C6orf141: variants seen among roughly 807,000 people sequenced by gnomAD.
The protein encoded by C6orf141 is chromosome 6 open reading frame 141.
For synonymous variants in C6orf141, 164 were observed against 140.5 expected, an observed-to-expected ratio of 1.17 and a Z score of -1.18; for missense variants, 361 against 335.8, an observed-to-expected ratio of 1.07 and a Z score of -0.59.
At chr6:49,555,180 A>G (rs1263126269), downstream of C6orf141, 2 of 151,734 alleles carry the variant, frequency 1.3e-5, no homozygotes, top group African/African-American at 4.8e-5. Context: ...CTCTCTTAAA[A>G]CTCTTTGTTT....
chr6:49,556,267 A>T (rs901515936), downstream of C6orf141, among the ~76,000 whole-genome samples: 3 of 152,198 alleles, frequency 2.0e-5, no homozygotes, highest in South Asian at 2.1e-4. Flanking sequence ...CAAAACTGAA[A>T]AGTTTTTTTA....
chr6:49,561,789 A>G (rs1773344676), exon 5 of C6orf141: 1 of 151,876 alleles, frequency 6.6e-6, no homozygotes, highest in South Asian at 2.1e-4. Flanking sequence ...GGCTTAAGTG[A>G]TCCTCCCACC....
chr6:49,551,299 A>C lies in C6orf141; in HGVS notation c.507A>C (p.Gln169His), dbSNP rs559570588. ...GGGTGGAGGATTATCAGGTAACACAAGAAGTGTTGCAGACCTCCTGGGCCA... is the reference window on the plus strand; with the variant it reads ...GGGTGGAGGATTATCAGGTAACACACGAAGTGTTGCAGACCTCCTGGGCCA... ...LVRVEDYQVTQEVLQTSWAKG... is the reference protein window; with the variant it reads ...LVRVEDYQVTHEVLQTSWAKG... Residue 169 changes from glutamine (Q) to histidine (H), a missense_variant, in exon 1 of 1, where the codon CAA (glutamine) becomes CAC (histidine). Transcript: ENST00000529246. The C allele has an allele frequency of 6.4e-7, 1 of 1,551,698 alleles. No homozygotes were observed.
chr6:49,557,135 C>T (rs984167926), intron 4 of C6orf141, among the ~76,000 whole-genome samples: 1 of 151,990 alleles, frequency 6.6e-6, no homozygotes, highest in Non-Finnish European at 1.5e-5. Context: ...GCCCATAATC[C>T]CAGCTACTCA....
Position 49,551,507 on chromosome 6 carries a change from C to T in C6orf141, c.715C>T (p.Leu239Phe). ...RRVSPSPGTW[L>F]EEIKL ...GGTTTCACCGTCTCCAGGGACTTGG[C>T]TCGAGGAAATTAAACTCTAATGAGT... Residue 239 changes from leucine (L) to phenylalanine (F), a missense_variant, in exon 1 of 1, where the codon CTC becomes TTC. Transcript: ENST00000529246. The T allele has an allele frequency of 6.4e-7, 1 of 1,551,220 alleles. No homozygotes were observed. The highest frequency in any genetic ancestry group is 1.4e-5 in the African/African-American group (1 of 73,152).
intron 4 of C6orf141, among the ~76,000 whole-genome samples, chr6:49,558,770 C>A (rs868198955): frequency 1.3e-5 from 2 of 151,868 alleles, no homozygotes; most frequent in East Asian, 1.9e-4. Context: ...TGCAGTGGCA[C>A]GATCTTGGCT....
rs1470501521 is a variant in C6orf141, at chr6:49,550,684, C to G, written c.-109C>G. The stretch of plus-strand genomic sequence containing the variant: ...GGCTGATCTAGTCTTCAGCTTTCAC[C>G]GGCTGGGAGTCCGGAGCTGCAGCAG... On this transcript the variant is annotated 5_prime_UTR_variant, in exon 1 of 1. Coordinates refer to ENST00000529246, the MANE Select transcript of C6orf141 (RefSeq NM_001145652.2). The G allele has an allele frequency of 9.9e-7, 1 of 1,007,978 alleles. No individual in the cohort carries two copies. Among genetic ancestry groups the G allele is most frequent in the African/African-American group, 1.7e-5 (1 of 59,176 alleles). 62.4% of individuals were successfully genotyped at this position (1,007,978 alleles called of 1,614,324 possible).
rs1208009738 is a variant in C6orf141 at position 49,551,397 on chromosome 6, A to C, written c.605A>C (p.Gln202Pro). The C allele has an allele frequency of 6.4e-7, 1 of 1,551,688 alleles. No homozygotes were observed. Among genetic ancestry groups the C allele is most frequent in the Non-Finnish European group, 8.7e-7 (1 of 1,146,994 alleles). Residue 202 changes from glutamine to proline, a missense_variant, in exon 1 of 1, where the codon CAG (glutamine) becomes CCG (proline). Physicochemically the swap from Gln to Pro is moderately conservative, Grantham distance 76 (BLOSUM62 -1). Coordinates refer to ENST00000529246, the MANE Select transcript of C6orf141 (RefSeq NM_001145652.2). ...ACTTTTCGCAGCAGTAGAGAGGGAC[A>C]GCCTGGGGAACGCTGGGGCCCTGCT... ...ALTFRSSREG[Q>P]PGERWGPAES... is the part of the protein sequence containing the mutation.
chr6:49,550,907 G>C lies in C6orf141; in HGVS notation c.115G>C (p.Gly39Arg), dbSNP rs773682026. The C allele has an allele frequency of 4.6e-6, 7 of 1,531,812 alleles. No homozygotes were observed. The highest frequency in any genetic ancestry group is 3.7e-5 in the South Asian group (3 of 82,142). 94.9% of individuals were successfully genotyped at this position (1,531,812 alleles called of 1,614,324 possible). The change falls in exon 1 of 1, where the codon GGG (glycine) becomes CGG (arginine). Residue 39 changes from glycine (G) to arginine (R), a missense_variant. Gly to Arg is a moderately radical substitution (Grantham distance 125, BLOSUM62 -2). Coordinates refer to ENST00000529246, the MANE Select transcript of C6orf141 (RefSeq NM_001145652.2). ...LGPFPREVGR[G>R]APLAPGARNP... ...GCCTTTTCCGCGGGAGGTAGGGCGC[G>C]GGGCTCCGCTAGCTCCGGGCGCCCG...
In C6orf141 at chr6:49,551,844, C is replaced by A. The variant is rs949917183; in HGVS notation, c.*317C>A. The A allele has an allele frequency of 3.4e-6, 4 of 1,187,904 alleles. No homozygotes were observed. Among genetic ancestry groups the A allele is most frequent in the Middle Eastern group, 3.7e-4 (1 of 2,706 alleles). The allele number at this position is 1,187,904 out of a possible 1,614,324, so 73.6% of individuals were successfully genotyped here. On this transcript the variant is annotated 3_prime_UTR_variant, in exon 1 of 1. Transcript: ENST00000529246. ...TTTTGGAATAACTCTCAATTGATCT[C>A]TTTTCTGTTCCCCGCCCCCCTCTTG...
rs771175194 is a variant in C6orf141 at position 49,551,414 on chromosome 6, G to T, written c.622G>T (p.Gly208Cys). ...SREGQPGERW[G>C]PAESRALQAR... ...AGAGGGACAGCCTGGGGAACGCTGG[G>T]GCCCTGCTGAATCCCGGGCTCTCCA... Residue 208 changes from glycine (G) to cysteine (C), a missense_variant, in exon 1 of 1, where the codon GGC (glycine) becomes TGC (cysteine). Gly to Cys is a radical substitution (Grantham distance 159, BLOSUM62 -3). Coordinates refer to ENST00000529246, the MANE Select transcript of C6orf141 (RefSeq NM_001145652.2). 11 of 1,551,516 alleles carry T rather than the reference G, an allele frequency of 7.1e-6. No homozygotes were observed. The highest frequency in any genetic ancestry group is 9.6e-6 in the Non-Finnish European group (11 of 1,146,984).
At chr6:49,561,909 T>C (rs1773356333), downstream of C6orf141, 1 of 151,188 alleles carries the variant, frequency 6.6e-6, no homozygotes, top group Non-Finnish European at 1.5e-5. Context: ...ATTACATGAC[T>C]GGTACAATTT....
intron 4 of C6orf141, among the ~76,000 whole-genome samples, chr6:49,559,346 A>G (rs1338112863): frequency 6.6e-6 from 1 of 151,508 alleles, no homozygotes; most frequent in Non-Finnish European, 1.5e-5. Context: ...AGATAATCAC[A>G]TTATACTTGT....
intron 4 of C6orf141, among the ~76,000 whole-genome samples, chr6:49,559,339 T>C (rs1279052937): frequency 6.6e-6 from 1 of 151,384 alleles, no homozygotes; most frequent in Admixed American, 6.6e-5. Context: ...TTTATGGAGA[T>C]AATCACATTA....
chr6:49,555,770 A>C (rs1486182265), downstream of C6orf141, among the ~76,000 whole-genome samples: 4 of 151,654 alleles, frequency 2.6e-5, no homozygotes, highest in Admixed American at 2.6e-4. Context: ...AGCCTCCCAA[A>C]GTGCTGTGAT....
intron 4 of C6orf141, among the ~76,000 whole-genome samples, chr6:49,559,252 T>G (rs1772786207): frequency 8.4e-6 from 1 of 118,610 alleles, no homozygotes. Flanking sequence ...TCATTTATGT[T>G]AGACCAATCC....
At chr6:49,559,988 G>T (rs759721549) in intron 4 of C6orf141, among the ~76,000 whole-genome samples, 4 of 152,128 alleles carry the variant, frequency 2.6e-5, no homozygotes, top group Non-Finnish European at 5.9e-5. Flanking sequence ...GTGGAATAAC[G>T]TACAAAGTTA....
At chr6:49,559,576 G>A (rs190745342) in intron 4 of C6orf141, among the ~76,000 whole-genome samples, 27 of 152,124 alleles carry the variant, frequency 1.8e-4, no homozygotes, top group South Asian at 1.2e-3. Context: ...TTTAGACTGC[G>A]TGACTTGTTC....
At position 49,550,746 on chromosome 6, in the gene C6orf141, G is replaced by C. The variant is rs560705474; in HGVS notation, c.-47G>C. 594 of 1,418,898 alleles carry C rather than the reference G, an allele frequency of 4.2e-4. 4 individuals carry two copies. The South Asian group carries it at 8.5e-3, about 20-fold the overall frequency. 87.9% of individuals were successfully genotyped at this position (1,418,898 alleles called of 1,614,324 possible). The stretch of plus-strand genomic sequence containing the variant: ...AGGGCTTGGTGGTCCCGCGCTTTCC[G>C]GAGCTCAGCAGGCGCTTGCTGCTTG... On this transcript the variant is annotated 5_prime_UTR_variant, in exon 1 of 1. Transcript: ENST00000529246.
Sources: gnomAD v4.1 joint callset for allele counts (sites outside exome capture counted in the v4.1 genomes callset) on GRCh38, gnomAD v4.1.1 for gene constraint, MANE v1.5 for transcripts, NCBI Gene and HGNC (gene_info 2026-07-23, HGNC 2026-07-21) for gene names.